The following FBXL18 variants were observed in gnomAD, a reference collection of about 807,000 sequenced individuals.
FBXL18 encodes the protein F-box and leucine rich repeat protein 18.
In FBXL18, 36 loss-of-function variants were observed where a neutral mutation model predicts 46.0. The observed-to-expected ratio is 0.78, with a 90% CI of 0.60 to 1.03. The LOEUF is 1.03. Among genes scored for constraint, FBXL18 ranks in the 50% least tolerant of loss-of-function variants. FBXL18 has a pLI of 0.00. For missense variants in FBXL18, 977 were observed against 1,004.1 expected, an observed-to-expected ratio of 0.97 and a Z score of 0.36; for synonymous variants, 557 against 465.3, an observed-to-expected ratio of 1.20 and a Z score of -2.54.
chr7:5,491,916 G>T (rs907671564), intron 3 of FBXL18, among the ~76,000 whole-genome samples: 1 of 152,014 alleles, frequency 6.6e-6, no homozygotes, highest in African/African-American at 2.4e-5. Context: ...GCGGTAATCC[G>T]GGAGGCTGGT....
At chr7:5,494,918 G>A (rs1047269763) in intron 3 of FBXL18, among the ~76,000 whole-genome samples, 2 of 152,178 alleles carry the variant, frequency 1.3e-5, no homozygotes, top group African/African-American at 2.4e-5. Flanking sequence ...ACATTCTTCC[G>A]CCCCGGAGGA....
At chr7:5,502,170 G>C (rs1278295759) in intron 2 of FBXL18, 139 bp from the exon 3 acceptor site, 1 of 604,678 alleles carries the variant, frequency 1.7e-6, no homozygotes, top group African/African-American at 1.9e-5. Flanking sequence ...CTGCCTACCT[G>C]CCCGCACTCT....
At position 5,492,359 on chromosome 7, in the gene FBXL18, G is replaced by A. The variant is rs953913728; in HGVS notation, c.1782-910C>T. Among the ~76,000 whole-genome samples, 7 of 151,758 alleles carry A rather than the reference G, an allele frequency of 4.6e-5. No homozygotes were observed. The South Asian group carries it at 1.5e-3, about 32-fold the overall frequency. On this transcript the variant is annotated intron_variant, in intron 3 of 4. Transcript: ENST00000382368. The stretch of plus-strand genomic sequence containing the variant: ...AGGCTGTGGGACTGGGCAAGACCTG[G>A]ACTGTGGCAGGTTGTGGGGTGCAGC...
intron 4 of FBXL18, among the ~76,000 whole-genome samples, chr7:5,485,684 G>C (rs1168799232): frequency 6.6e-6 from 1 of 152,154 alleles, no homozygotes; most frequent in Non-Finnish European, 1.5e-5. Flanking sequence ...GAGGCGGGCA[G>C]ATCATCTGAG....
At chr7:5,464,936 G>A (rs971166517) in intron 4 of FBXL18, among the ~76,000 whole-genome samples, 8 of 151,290 alleles carry the variant, frequency 5.3e-5, no homozygotes, top group South Asian at 4.2e-4. Context: ...GGTGGTGCGC[G>A]CCTGTAATCT....
rs199936573 is a variant in FBXL18, at chr7:5,500,749, C to T, written c.1520G>A (p.Arg507His). 4 of 1,612,480 alleles carry T rather than the reference C, an allele frequency of 2.5e-6. No homozygotes were observed. The highest frequency in any genetic ancestry group is 2.2e-5 in the East Asian group (1 of 44,866). ...SAMPRNEPAI[R>H]NSLPPCSRAQ... ...GCGGCTGCAGGGTGGGAGCGAGTTG[C>T]GGATGGCGGGCTCGTTGCGGGGCAT... The change falls in exon 3 of 5, where the codon CGC becomes CAC. Residue 507 changes from arginine to histidine, a missense_variant. Coordinates refer to ENST00000382368, the MANE Select transcript of FBXL18 (RefSeq NM_024963.6).
intron 1 of FBXL18, among the ~76,000 whole-genome samples, chr7:5,512,368 A>G (rs1784563148): frequency 6.6e-6 from 1 of 151,154 alleles, no homozygotes; most frequent in South Asian, 2.1e-4. Context: ...TAATCCCAAC[A>G]CTTTGGGAAG....
Position 5,455,689 on chromosome 7 carries a change from C to T in FBXL18, c.2001-7846G>A, listed in dbSNP as rs192733115. On this transcript the variant is annotated intron_variant and NMD_transcript_variant, in intron 4 of 6. Coordinates refer to the FBXL18 transcript ENST00000415009. This position sits in a 1 kb window ranked among gnomAD's most constrained non-coding sequence, Gnocchi z 4.6. ...GGGGCTCAAACCCAGGCTGTGAATT[C>T]GGGGAAGTGGGAAACAGAACTTTTT... Among the ~76,000 whole-genome samples the T allele has an allele frequency of 2.0e-4, 30 of 152,130 alleles. No homozygotes were observed. The highest frequency in any genetic ancestry group is 6.2e-4 in the South Asian group (3 of 4,822).
rs12667381 is a variant in FBXL18, at chr7:5,501,378, C to A, written c.891G>T (p.Leu297=). Residue 297 remains leucine, a synonymous_variant, in exon 3 of 5, where the codon CTG becomes CTT. Coordinates refer to ENST00000382368, the MANE Select transcript of FBXL18 (RefSeq NM_024963.6). ...AAGAGCCGTTCAGCCAGGACTTGGG[C>A]AGCTGCAGGGCATCCAGCACGACAT... is the stretch of plus-strand genomic sequence containing the variant. The part of the protein sequence containing the change: ...ARNVVLDALQ[L]PKSWLNGSSL... 218,598 of 1,613,668 alleles carry A rather than the reference C, an allele frequency of 0.14. 16,522 individuals carry two copies. The highest frequency in any genetic ancestry group is 0.25 in the African/African-American group (18,441 of 74,914).
chr7:5,509,465 C>T (rs933755019), intron 1 of FBXL18, among the ~76,000 whole-genome samples: 2 of 151,818 alleles, frequency 1.3e-5, no homozygotes, highest in South Asian at 2.1e-4. Context: ...GAGGCCAAAG[C>T]GGGTGGATCA....
At chr7:5,497,745 C>A (rs1784121125) in intron 3 of FBXL18, among the ~76,000 whole-genome samples, 1 of 152,222 alleles carries the variant, frequency 6.6e-6, no homozygotes, top group Admixed American at 6.5e-5. Context: ...CTCAGCTCCC[C>A]CTGAGCTCCC....
intron 4 of FBXL18, among the ~76,000 whole-genome samples, chr7:5,469,553 T>G (rs558043048): frequency 1.5e-3 from 225 of 150,374 alleles, no homozygotes; most frequent in Middle Eastern, 3.5e-3. Flanking sequence ...TGGGTGTGTG[T>G]GGGGGGGGTG....
At chr7:5,473,358 CCTGGTG>C (rs1783458829), downstream of FBXL18, among the ~76,000 whole-genome samples, 1 of 152,134 alleles carries the variant, frequency 6.6e-6, no homozygotes, top group Non-Finnish European at 1.5e-5. Flanking sequence ...CCATCCGGAT[CCTGGTG>C]CCTCCTCCCA....
intron 1 of FBXL18, among the ~76,000 whole-genome samples, chr7:5,506,757 C>G (rs1220031832): frequency 1.3e-5 from 2 of 152,066 alleles, no homozygotes; most frequent in Non-Finnish European, 2.9e-5. Flanking sequence ...GGGTTTTGCC[C>G]TGTTGGTCAG....
downstream of FBXL18, among the ~76,000 whole-genome samples, chr7:5,471,074 G>A (rs1394429980): frequency 6.6e-6 from 1 of 152,214 alleles, no homozygotes; most frequent in Non-Finnish European, 1.5e-5. Context: ...TGACCCCCGG[G>A]CGCCCCGACT....
At position 5,489,914 on chromosome 7, in the gene FBXL18, C is replaced by T. The variant is rs1231324061; in HGVS notation, c.2000+1317G>A. 3.5e-6 allele frequency: 4 copies of T among 1,149,514 alleles called. No individual in the cohort carries two copies. In the East Asian group the frequency reaches 2.4e-4, roughly 68 times the overall value. The allele number at this position is 1,149,514 out of a possible 1,614,324, so 71.2% of individuals were successfully genotyped here. On this transcript the variant is annotated intron_variant, in intron 4 of 4. Coordinates refer to ENST00000382368, the MANE Select transcript of FBXL18 (RefSeq NM_024963.6). ...GAGCTGAGATCCCGCCACTGCACTC[C>T]AGCCTGGACGACAGAGTGAGACTCT...
At chr7:5,490,267 C>T (rs1012283575) in intron 4 of FBXL18, 5 of 1,263,856 alleles carry the variant, frequency 4.0e-6, no homozygotes, top group East Asian at 9.9e-5. Context: ...CTTGGCCGGG[C>T]GCACGCCTCT....
At chr7:5,495,659 C>T (rs987085879) in intron 3 of FBXL18, among the ~76,000 whole-genome samples, 37 of 152,306 alleles carry the variant, frequency 2.4e-4, no homozygotes, top group African/African-American at 8.9e-4. Flanking sequence ...AGACTCCGGC[C>T]GCCCCAGGAT....
At position 5,455,732 on chromosome 7, in the gene FBXL18, G is replaced by A. The variant is rs1371736138; in HGVS notation, c.2001-7889C>T. 6.6e-6 allele frequency among the ~76,000 whole-genome samples: 1 copy of A among 151,164 alleles called. No homozygotes were observed. The highest frequency in any genetic ancestry group is 1.5e-5 in the Non-Finnish European group (1 of 67,838). Reference sequence around the variant, plus strand: ...AACTTTTTGGATGTCCCTAGATGGTGCCTCCCCCCCACCCCCACTACACAC... The same window carrying A: ...AACTTTTTGGATGTCCCTAGATGGTACCTCCCCCCCACCCCCACTACACAC... On this transcript the variant is annotated intron_variant and NMD_transcript_variant, in intron 4 of 6. Coordinates refer to the FBXL18 transcript ENST00000415009. The surrounding 1 kb of genome is among the most constrained non-coding windows in gnomAD (Gnocchi z 4.6).
Sources: gnomAD v4.1 joint callset for allele counts (sites outside exome capture counted in the v4.1 genomes callset) on GRCh38, gnomAD v4.1.1 for gene constraint, Gnocchi (gnomAD v3.1) non-coding constraint, MANE v1.5 for transcripts, NCBI Gene and HGNC (gene_info 2026-07-23, HGNC 2026-07-21) for gene names.